Variants in GRIN3A observed in about 807,000 individuals in gnomAD.
The protein encoded by GRIN3A is glutamate receptor ionotropic, NMDA 3A.
GRIN3A carries 47 observed loss-of-function variants against 92.4 expected under a neutral mutation model. The observed-to-expected ratio is 0.51, with a 90% CI of 0.40 to 0.65. The LOEUF is 0.65. Ranked by LOEUF, GRIN3A falls within the 30% of genes least tolerant of loss-of-function variation. The pLI is 0.00. For missense variants in GRIN3A, 1,324 were observed against 1,393.1 expected, an observed-to-expected ratio of 0.95 and a Z score of 0.79; for synonymous variants, 527 against 540.6, an observed-to-expected ratio of 0.97 and a Z score of 0.35.
At chr9:101,709,858 A>G (rs1465714268) in intron 1 of GRIN3A, among the ~76,000 whole-genome samples, 2 of 152,204 alleles carry the variant, frequency 1.3e-5, no homozygotes, top group African/African-American at 2.4e-5. Context: ...TCTACACTGC[A>G]TTTATTCCTT....
intron 1 of GRIN3A, among the ~76,000 whole-genome samples, chr9:101,721,677 T>G (rs892284315): frequency 1.3e-5 from 2 of 152,200 alleles, no homozygotes; most frequent in African/African-American, 4.8e-5. Flanking sequence ...TGTTGGGAAC[T>G]GAAGCAAAGG....
intron 3 of GRIN3A, among the ~76,000 whole-genome samples, chr9:101,640,114 C>G (rs966661550): frequency 6.6e-6 from 1 of 152,122 alleles, no homozygotes; most frequent in Non-Finnish European, 1.5e-5. Context: ...CCTTCTCCCC[C>G]GCCTCCTTCA....
intron 1 of GRIN3A, among the ~76,000 whole-genome samples, chr9:101,689,307 G>T (rs532174990): frequency 6.6e-6 from 1 of 152,040 alleles, no homozygotes; most frequent in Non-Finnish European, 1.5e-5. Context: ...CATAACCTCC[G>T]AATCACCCAT....
intron 4 of GRIN3A, among the ~76,000 whole-genome samples, chr9:101,625,593 G>A (rs907254913): frequency 7.2e-5 from 11 of 152,014 alleles, no homozygotes; most frequent in African/African-American, 2.7e-4. Flanking sequence ...TTTTCAAAGG[G>A]GTATCAGATT....
chr9:101,621,006 G>C (rs546211848), intron 5 of GRIN3A, among the ~76,000 whole-genome samples: 33 of 151,802 alleles, frequency 2.2e-4, no homozygotes, highest in Non-Finnish European at 3.5e-4. Context: ...TTATTATTTA[G>C]ACTGTAGGTG....
At chr9:101,658,034 T>A (rs1373275165) in intron 3 of GRIN3A, among the ~76,000 whole-genome samples, 1 of 151,968 alleles carries the variant, frequency 6.6e-6, no homozygotes, top group Non-Finnish European at 1.5e-5. Context: ...AGGAAAGGAC[T>A]TGTTGGAATA....
At chr9:101,641,268 C>T (rs1020337870) in intron 3 of GRIN3A, among the ~76,000 whole-genome samples, 3 of 152,092 alleles carry the variant, frequency 2.0e-5, no homozygotes, top group African/African-American at 7.2e-5. Flanking sequence ...CCATTTGACC[C>T]AGCCATCCCA....
chr9:101,733,148 T>C (rs995608790), intron 1 of GRIN3A, among the ~76,000 whole-genome samples: 28 of 152,154 alleles, frequency 1.8e-4, no homozygotes, highest in African/African-American at 6.8e-4. Flanking sequence ...CCTCAGCTGA[T>C]TCGATCATAA....
At chr9:101,634,287 C>T (rs541363306) in intron 3 of GRIN3A, among the ~76,000 whole-genome samples, 308 of 144,212 alleles carry the variant, frequency 2.1e-3, no homozygotes, top group African/African-American at 7.1e-3. Context: ...GAGCCGAGAT[C>T]GCGCCACTGC....
At chr9:101,610,622 TATCA>T (rs1452361239) in intron 6 of GRIN3A, among the ~76,000 whole-genome samples, 2 of 147,382 alleles carry the variant, frequency 1.4e-5, no homozygotes, top group Non-Finnish European at 3.0e-5. Flanking sequence ...TCTATCTATC[TATCA>T]TCTATCTATC....
At chr9:101,687,242 G>C in intron 1 of GRIN3A, 42 bp from the exon 2 acceptor site, 2 of 1,606,514 alleles carry the variant, frequency 1.2e-6, no homozygotes, top group Non-Finnish European at 1.7e-6. Flanking sequence ...GAAAGCATTG[G>C]CCAAAGACTT....
At chr9:101,628,530 G>A (rs1828668099) in intron 3 of GRIN3A, 129 bp from the exon 4 acceptor site, 1 of 866,328 alleles carries the variant, frequency 1.2e-6, no homozygotes, top group Non-Finnish European at 1.8e-6. Context: ...GCAGAAACAT[G>A]TACATAGAAA....
chr9:101,645,158 C>G (rs1459590200), intron 3 of GRIN3A, among the ~76,000 whole-genome samples: 1 of 151,884 alleles, frequency 6.6e-6, no homozygotes, highest in Non-Finnish European at 1.5e-5. Context: ...CACCCCTCCC[C>G]CCATGCTTCC....
chr9:101,731,908 A>G (rs1830143418), intron 1 of GRIN3A, among the ~76,000 whole-genome samples: 1 of 152,202 alleles, frequency 6.6e-6, no homozygotes, highest in Non-Finnish European at 1.5e-5. Flanking sequence ...TTGTCATTCA[A>G]ACATTCACTC....
At position 101,655,547 on chromosome 9, in the gene GRIN3A, A is replaced by G. The variant is rs1829076577; in HGVS notation, c.2352+14513T>C. 2.0e-5 allele frequency among the ~76,000 whole-genome samples: 3 copies of G among 152,050 alleles called. No homozygotes were observed. The South Asian group carries it at 6.2e-4, about 32-fold the overall frequency. ...AAGCATTCTTATCATTGTATGCTTA[A>G]TATGTTTTTGAATATAGTTTAATAT... On this transcript the variant is annotated intron_variant, in intron 3 of 8. Coordinates refer to ENST00000361820, the MANE Select transcript of GRIN3A (RefSeq NM_133445.3).
At chr9:101,589,929 CAG>C (rs1828000116) in intron 6 of GRIN3A, among the ~76,000 whole-genome samples, 1 of 152,282 alleles carries the variant, frequency 6.6e-6, no homozygotes, top group Admixed American at 6.5e-5. Context: ...CTCAATATTT[CAG>C]AGACTCCTTA....
rs559041358 is a variant in GRIN3A, at chr9:101,626,876, A to G, written c.2498+1380T>C. Among the ~76,000 whole-genome samples the G allele has an allele frequency of 1.2e-4, 18 of 152,112 alleles. No homozygotes were observed. In the South Asian group the frequency reaches 1.7e-3, roughly 14 times the overall value. ...GAAAATTGACTTGTCTTGGGCCTTC[A>G]TCTGTGGCCGCTTTCCTGAAGATTG... On this transcript the variant is annotated intron_variant, in intron 4 of 8. Transcript: ENST00000361820.
intron 6 of GRIN3A, among the ~76,000 whole-genome samples, chr9:101,595,377 A>G (rs1412364275): frequency 6.7e-6 from 1 of 149,494 alleles, no homozygotes; most frequent in East Asian, 2.0e-4. Flanking sequence ...CACCTGTGTT[A>G]TTCGCTGCAG....
intron 3 of GRIN3A, among the ~76,000 whole-genome samples, chr9:101,657,940 C>G (rs1436105822): frequency 6.6e-6 from 1 of 151,888 alleles, no homozygotes; most frequent in Non-Finnish European, 1.5e-5. Context: ...TGCAAAGATT[C>G]AAATATCACA....
Sources: gnomAD v4.1 joint callset for allele counts (sites outside exome capture counted in the v4.1 genomes callset) on GRCh38, gnomAD v4.1.1 for gene constraint, MANE v1.5 for transcripts, NCBI Gene and HGNC (gene_info 2026-07-23, HGNC 2026-07-21) for gene names.